Variants in ST3GAL5 observed in about 807,000 individuals in gnomAD.
ST3GAL5 encodes lactosylceramide alpha-2,3-sialyltransferase.
In ST3GAL5, 25 loss-of-function variants were observed where a neutral mutation model predicts 46.1. The ratio of observed to expected loss-of-function variants is 0.54; its 90% CI spans 0.40 to 0.76. The LOEUF (loss-of-function observed/expected upper bound fraction) is 0.76. Ranked by LOEUF, ST3GAL5 falls within the 30% of genes least tolerant of loss-of-function variation. The pLI, the probability that ST3GAL5 is intolerant of heterozygous loss-of-function variation, is 0.00. For missense variants in ST3GAL5, 431 were observed against 521.2 expected (o/e 0.83, Z 1.69); for synonymous variants, 182 against 192.7 (o/e 0.94, Z 0.46).
At chr2:85,888,679 G>C (rs1483535982) in intron 1 of ST3GAL5, 145 bp downstream of exon 1, 1 of 554,928 alleles carries the variant, frequency 1.8e-6, no homozygotes, top group African/African-American at 2.0e-5. Flanking sequence ...AGCCGGGCTC[G>C]CCTGAGGGTG....
intron 1 of ST3GAL5, among the ~76,000 whole-genome samples, chr2:85,875,849 G>A (rs557830249): frequency 2.0e-5 from 3 of 152,138 alleles, no homozygotes; most frequent in Non-Finnish European, 2.9e-5. Flanking sequence ...TCCTCTTTGC[G>A]AATTCTTATA....
chr2:85,841,335 GT>G (rs535707010), intron 6 of ST3GAL5, among the ~76,000 whole-genome samples: 21 of 146,688 alleles, frequency 1.4e-4, no homozygotes, highest in Admixed American at 3.4e-4. Context: ...AGTAAATTTT[GT>G]TTTTTTTTTT....
rs147305893 is a variant in ST3GAL5 at position 85,840,275 on chromosome 2, C to G, written c.1126G>C (p.Asp376His). ...NQPRTPLHYFDSQCMAAMNFQ... is the reference protein window; with the variant it reads ...NQPRTPLHYFHSQCMAAMNFQ... The stretch of plus-strand genomic sequence containing the variant: ...TTCATAGCAGCCATGCATTGACTGT[C>G]GAAGTAGTGCAAAGGTGTTCTGGGT... Residue 376 changes from aspartate (D) to histidine (H), a missense_variant, in exon 7 of 7, where the codon GAC becomes CAC. Transcript: ENST00000638572. 6.2e-7 allele frequency: 1 copy of G among 1,614,126 alleles called. No individual in the cohort carries two copies. The highest frequency in any genetic ancestry group is 1.3e-5 in the African/African-American group (1 of 75,006).
chr2:85,867,726 A>G (rs1212835253), intron 1 of ST3GAL5: 2 of 761,934 alleles, frequency 2.6e-6, no homozygotes, highest in Non-Finnish European at 4.9e-6. Context: ...TGTATAGGAC[A>G]TTGACATCCA....
At chr2:85,864,580 C>T (rs199919906) in intron 1 of ST3GAL5, among the ~76,000 whole-genome samples, 1 of 74,654 alleles carries the variant, frequency 1.3e-5, no homozygotes, top group Non-Finnish European at 2.7e-5. Flanking sequence ...AGAAGTGTTA[C>T]ATCAAAAAAA....
At chr2:85,880,361 C>T (rs1687013733) in intron 1 of ST3GAL5, among the ~76,000 whole-genome samples, 1 of 152,156 alleles carries the variant, frequency 6.6e-6, no homozygotes, top group Admixed American at 6.5e-5. Context: ...TCTTTTACAC[C>T]CCACTCACAT....
intron 1 of ST3GAL5, 191 bp downstream of exon 1, chr2:85,888,631 CCA>C (rs1688044475): frequency 6.1e-6 from 2 of 327,168 alleles, no homozygotes; most frequent in Non-Finnish European, 1.0e-5. Flanking sequence ...CCCGCCCGGT[CCA>C]CACGGCCCGG....
chr2:85,884,104 G>C (rs958807261), intron 1 of ST3GAL5, among the ~76,000 whole-genome samples: 1 of 152,148 alleles, frequency 6.6e-6, no homozygotes, highest in African/African-American at 2.4e-5. Flanking sequence ...TGCCCCCTAT[G>C]GCTTCTTAAC....
chr2:85,850,581 A>T (rs1398250163), intron 3 of ST3GAL5: 2 of 152,294 alleles, frequency 1.3e-5, no homozygotes, highest in Admixed American at 1.3e-4. Flanking sequence ...GGCCACACAC[A>T]CTGCACATTC....
In ST3GAL5 at chr2:85,839,655, G is replaced by A. The variant is rs1039858612; in HGVS notation, c.*489C>T. The A allele has an allele frequency of 8.7e-6, 2 of 230,240 alleles. No homozygotes were observed. Among genetic ancestry groups the A allele is most frequent in the Non-Finnish European group, 1.7e-5 (2 of 114,758 alleles). The allele number at this position is 230,240 out of a possible 1,614,324, so 14.3% of individuals were successfully genotyped here. A position where few individuals can be genotyped will look rare whatever the true frequency, so the allele number is the denominator to read the frequency against. On this transcript the variant is annotated 3_prime_UTR_variant, in exon 7 of 7. Coordinates refer to ENST00000638572, the MANE Select transcript of ST3GAL5 (RefSeq NM_003896.4). ...AGCCCAGGCCTCACGCCGCTGCATCGCAGACCCAGTATCAGCAGCAGAGCT... is the reference window on the plus strand; with the variant it reads ...AGCCCAGGCCTCACGCCGCTGCATCACAGACCCAGTATCAGCAGCAGAGCT...
In ST3GAL5 at chr2:85,888,949, G is replaced by T. The variant is rs952276692; in HGVS notation, c.-44C>A. ...GCCGGCCGCCAGCCCGGTACCCCGC[G>T]CCCCCACCCGCCCCCAGCGCCGCTC... On this transcript the variant is annotated 5_prime_UTR_variant, in exon 1 of 7. Coordinates refer to ENST00000638572, the MANE Select transcript of ST3GAL5 (RefSeq NM_003896.4). 1.2e-5 allele frequency: 15 copies of T among 1,246,548 alleles called. No individual in the cohort carries two copies. The Admixed American group carries it at 5.5e-4, about 46-fold the overall frequency. The allele number at this position is 1,246,548 out of a possible 1,614,324, so 77.2% of individuals were successfully genotyped here.
Position 85,847,917 on chromosome 2 carries a change from T to A in ST3GAL5, c.606A>T (p.Gly202=). ...CRRCVVIGSG[G]ILHGLELGHT... is the part of the protein sequence containing the mutation. ...GGCCCAGTTCTAATCCGTGCAGTAT[T>A]CCTCCGCTTCCAATAACCACACAGC... The change falls in exon 4 of 7, where the codon GGA becomes GGT. Residue 202 remains glycine, a synonymous_variant. Coordinates refer to ENST00000638572, the MANE Select transcript of ST3GAL5 (RefSeq NM_003896.4). 6.2e-7 allele frequency: 1 copy of A among 1,614,186 alleles called. No homozygotes were observed. Among genetic ancestry groups the A allele is most frequent in the Non-Finnish European group, 8.5e-7 (1 of 1,180,036 alleles).
At chr2:85,855,039 G>A (rs1474209395) in intron 3 of ST3GAL5, 1 of 152,298 alleles carries the variant, frequency 6.6e-6, no homozygotes, top group East Asian at 1.9e-4. Flanking sequence ...TGGGACAACT[G>A]GAGAACAACA....
At position 85,847,897 on chromosome 2, in the gene ST3GAL5, A is replaced by C; in HGVS notation, c.626T>G (p.Leu209Arg). Residue 209 changes from leucine (L) to arginine (R), a missense_variant, in exon 4 of 7, where the codon CTG (leucine) becomes CGG (arginine). By Grantham distance (102) the Leu-to-Arg change is moderately radical. Coordinates refer to ENST00000638572, the MANE Select transcript of ST3GAL5 (RefSeq NM_003896.4). ...ATCGAACTGGTTCAGGGTGTGGCCCAGTTCTAATCCGTGCAGTATTCCTCC... is the reference window on the plus strand; with the variant it reads ...ATCGAACTGGTTCAGGGTGTGGCCCCGTTCTAATCCGTGCAGTATTCCTCC... ...GSGGILHGLE[L>R]GHTLNQFDVV... is the part of the protein sequence containing the mutation. 1.2e-6 allele frequency: 2 copies of C among 1,614,122 alleles called. No individual in the cohort carries two copies. Among genetic ancestry groups the C allele is most frequent in the Non-Finnish European group, 1.7e-6 (2 of 1,180,044 alleles).
At chr2:85,848,398 A>C (rs1272815856) in intron 3 of ST3GAL5, 194 bp from the exon 4 acceptor site, 1 of 1,539,372 alleles carries the variant, frequency 6.5e-7, no homozygotes, top group Non-Finnish European at 8.8e-7. Context: ...GAATCACATG[A>C]CAAGGAGATA....
chr2:85,876,527 G>A (rs1024786315), intron 1 of ST3GAL5, among the ~76,000 whole-genome samples: 3 of 141,554 alleles, frequency 2.1e-5, no homozygotes, highest in African/African-American at 7.8e-5. Context: ...GAGGTGGCAT[G>A]ATCTCGGCGC....
rs953267637 is a variant in ST3GAL5, at chr2:85,838,954, C to A, written c.*1190G>T. ...GGGCAGCCTGTCTTTGGGGAGGAAG[C>A]CACCGACACCCAGCATCTCTTCAGA... On this transcript the variant is annotated 3_prime_UTR_variant, in exon 7 of 7. Transcript: ENST00000638572. The A allele has an allele frequency of 1.3e-5, 2 of 152,398 alleles. No individual in the cohort carries two copies. The highest frequency in any genetic ancestry group is 2.9e-5 in the Non-Finnish European group (2 of 68,226). The allele number at this position is 152,398 out of a possible 1,614,324, so 9.4% of individuals were successfully genotyped here.
At chr2:85,859,496 C>T (rs964143028) in intron 3 of ST3GAL5, among the ~76,000 whole-genome samples, 6 of 152,164 alleles carry the variant, frequency 3.9e-5, no homozygotes, top group Non-Finnish European at 7.3e-5. Context: ...GGGTACTGGA[C>T]ACATCCTACT....
At position 85,867,488 on chromosome 2, in the gene ST3GAL5, T is replaced by C. The variant is rs78954519; in HGVS notation, c.83-4003A>G. On this transcript the variant is annotated intron_variant, in intron 1 of 6. Transcript: ENST00000638572. ...ACACATGTAGTTACCTCCTGGGATA[T>C]ATCTATTAAAGGTATGTGCTCTGTG... is the stretch of plus-strand genomic sequence containing the variant. The C allele has an allele frequency of 3.0e-4, 225 of 739,464 alleles. 2 individuals carry two copies. The African/African-American group carries it at 3.3e-3, about 11-fold the overall frequency. The allele number at this position is 739,464 out of a possible 1,614,324, so 45.8% of individuals were successfully genotyped here.
Sources: allele counts gnomAD v4.1 joint callset (sites outside exome capture counted in the v4.1 genomes callset), GRCh38; gene constraint gnomAD v4.1.1; transcripts MANE v1.5; gene names NCBI Gene and HGNC (gene_info 2026-07-23, HGNC 2026-07-21).